The following GPATCH2 variants were observed in gnomAD, a reference collection of about 807,000 sequenced individuals.
GPATCH2 encodes the protein G-patch domain containing 2.
In GPATCH2, 51 loss-of-function variants were observed where a neutral mutation model predicts 58.0. The ratio of observed to expected loss-of-function variants is 0.88; its 90% confidence interval spans 0.70 to 1.11. The LOEUF is 1.11. Ranked by LOEUF, GPATCH2 falls within the 50% of genes most tolerant of loss-of-function variation. The pLI, the probability that GPATCH2 is intolerant of heterozygous loss-of-function variation, is 0.00. For missense variants in GPATCH2, 625 were observed against 652.2 expected, an observed-to-expected ratio of 0.96 and a Z score of 0.45; for synonymous variants, 222 against 218.5, an observed-to-expected ratio of 1.02 and a Z score of -0.14.
intron 5 of GPATCH2, among the ~76,000 whole-genome samples, chr1:217,571,026 G>A (rs2102716823): frequency 6.6e-6 from 1 of 152,286 alleles, no homozygotes; most frequent in African/African-American, 2.4e-5. Context: ...AGCCTACCAG[G>A]TGCTATTCTT....
intron 8 of GPATCH2, among the ~76,000 whole-genome samples, chr1:217,473,263 G>C (rs1199226307): frequency 6.7e-6 from 1 of 149,414 alleles, no homozygotes; most frequent in Non-Finnish European, 1.5e-5. Flanking sequence ...TAGGTGCATT[G>C]CCTCAAGGTT....
intron 8 of GPATCH2, among the ~76,000 whole-genome samples, chr1:217,480,786 T>C (rs1661179212): frequency 6.6e-6 from 1 of 152,186 alleles, no homozygotes; most frequent in African/African-American, 2.4e-5. Flanking sequence ...ATATACATAA[T>C]GGAGTAGTAT....
chr1:217,543,902 C>T (rs1664886129), intron 5 of GPATCH2, among the ~76,000 whole-genome samples: 1 of 152,134 alleles, frequency 6.6e-6, no homozygotes, highest in South Asian at 2.1e-4. Flanking sequence ...GAGAATCCTT[C>T]AAGAGGATTC....
intron 5 of GPATCH2, among the ~76,000 whole-genome samples, chr1:217,539,424 C>G (rs1664625225): frequency 6.6e-6 from 1 of 152,108 alleles, no homozygotes; most frequent in African/African-American, 2.4e-5. Flanking sequence ...AGGGCAATGT[C>G]CACATTGTTC....
intron 9 of GPATCH2, among the ~76,000 whole-genome samples, chr1:217,434,231 C>A (rs551041540): frequency 6.6e-6 from 1 of 152,192 alleles, no homozygotes; most frequent in Admixed American, 6.5e-5. Context: ...TTGAGAAGGG[C>A]AAAATGCATA....
chr1:217,436,978 C>T (rs1444613181), intron 9 of GPATCH2, among the ~76,000 whole-genome samples: 1 of 152,144 alleles, frequency 6.6e-6, no homozygotes, highest in Non-Finnish European at 1.5e-5. Context: ...TCTGCAGCTC[C>T]CAGCGAGATC....
chr1:217,584,405 C>T (rs1266283929), intron 5 of GPATCH2, among the ~76,000 whole-genome samples: 1 of 146,972 alleles, frequency 6.8e-6, no homozygotes, highest in Non-Finnish European at 1.5e-5. Context: ...GGCAGGCACC[C>T]GTAATCCCAG....
intron 5 of GPATCH2, among the ~76,000 whole-genome samples, chr1:217,547,039 T>C (rs1665089257): frequency 6.6e-6 from 1 of 151,894 alleles, no homozygotes; most frequent in African/African-American, 2.4e-5. Flanking sequence ...AAAACCACAA[T>C]GAGATACTAT....
intron 5 of GPATCH2, among the ~76,000 whole-genome samples, chr1:217,530,350 G>GCAATGAAA (rs1247826882): frequency 3.3e-5 from 5 of 152,282 alleles, no homozygotes; most frequent in African/African-American, 1.2e-4. Context: ...GTGGATAATA[G>GCAATGAAA]TACCTATTTC....
At chr1:217,482,157 AATC>A in intron 8 of GPATCH2, among the ~76,000 whole-genome samples, 1 of 152,206 alleles carries the variant, frequency 6.6e-6, no homozygotes, top group Non-Finnish European at 1.5e-5. Flanking sequence ...CTACGCACTT[AATC>A]AGTGTACTCT....
chr1:217,464,995 A>G (rs1660378055), intron 8 of GPATCH2, among the ~76,000 whole-genome samples: 1 of 152,124 alleles, frequency 6.6e-6, no homozygotes, highest in South Asian at 2.1e-4. Flanking sequence ...GATAGAAGAT[A>G]TATGAAAAAG....
chr1:217,569,115 T>G (rs940627742), intron 5 of GPATCH2, among the ~76,000 whole-genome samples: 1 of 151,538 alleles, frequency 6.6e-6, no homozygotes, highest in Non-Finnish European at 1.5e-5. Flanking sequence ...AATAGTGATA[T>G]TTACTTTAAA....
chr1:217,621,762 T>A (rs1341555517), intron 1 of GPATCH2, among the ~76,000 whole-genome samples: 2 of 152,370 alleles, frequency 1.3e-5, no homozygotes, highest in African/African-American at 4.8e-5. Context: ...TCAACTTTTG[T>A]CGTTTCATTT....
intron 6 of GPATCH2, among the ~76,000 whole-genome samples, chr1:217,499,867 C>T (rs1662210923): frequency 6.6e-6 from 1 of 151,964 alleles, no homozygotes; most frequent in Admixed American, 6.6e-5. Flanking sequence ...TGTTGAGAGA[C>T]ACCACTGTCA....
At chr1:217,492,951 T>C (rs969943908) in intron 7 of GPATCH2, among the ~76,000 whole-genome samples, 23 of 152,332 alleles carry the variant, frequency 1.5e-4, no homozygotes, top group Non-Finnish European at 3.1e-4. Context: ...TTAGAATCAA[T>C]TATTAGTTTA....
At position 217,620,233 on chromosome 1, in the gene GPATCH2, T is replaced by C. The variant is rs1669117570; in HGVS notation, c.323A>G (p.Asn108Ser). Residue 108 changes from asparagine to serine, a missense_variant, in exon 2 of 10, where the codon AAT becomes AGT. Transcript: ENST00000366935. ...EPSKDYRENH[N>S]NNKKDHSDSD... ...GTCACTGTGATCTTTTTTATTATTATTGTGATTCTCTCTATAGTCCTTGCT... is the reference window on the plus strand; with the variant it reads ...GTCACTGTGATCTTTTTTATTATTACTGTGATTCTCTCTATAGTCCTTGCT... 6.2e-7 allele frequency: 1 copy of C among 1,613,928 alleles called. No individual in the cohort carries two copies.
chr1:217,582,068 A>T (rs1231993564), intron 5 of GPATCH2, among the ~76,000 whole-genome samples: 1 of 152,218 alleles, frequency 6.6e-6, no homozygotes, highest in African/African-American at 2.4e-5. Context: ...AGTAAAAGTA[A>T]TATGAGACAA....
chr1:217,477,867 G>A (rs886637716), intron 8 of GPATCH2, among the ~76,000 whole-genome samples: 1 of 152,152 alleles, frequency 6.6e-6, no homozygotes, highest in Non-Finnish European at 1.5e-5. Context: ...TGCTGTGCTG[G>A]CTTCAAGTCT....
At chr1:217,556,063 TA>T (rs1665603015) in intron 5 of GPATCH2, among the ~76,000 whole-genome samples, 2 of 152,224 alleles carry the variant, frequency 1.3e-5, no homozygotes, top group Non-Finnish European at 2.9e-5. Flanking sequence ...TACATCTTTA[TA>T]ATTTATCCAA....
Sources: gnomAD v4.1 joint callset for allele counts (sites outside exome capture counted in the v4.1 genomes callset) on GRCh38, gnomAD v4.1.1 for gene constraint, MANE v1.5 for transcripts, NCBI Gene and HGNC (gene_info 2026-07-23, HGNC 2026-07-21) for gene names.